Variants in COL24A1 observed in about 807,000 individuals in gnomAD.
COL24A1 encodes collagen type XXIV alpha 1 chain, also known as collagen alpha-1(XXIV) chain.
Under a neutral mutation model 253.9 loss-of-function variants are expected in COL24A1, and 224 were observed. The ratio of observed to expected loss-of-function variants is 0.88; its 90% CI spans 0.79 to 0.99. The LOEUF (loss-of-function observed/expected upper bound fraction) is 0.99, where lower values mean the gene tolerates loss of function less well. Ranked by LOEUF, COL24A1 falls within the 50% of genes least tolerant of loss-of-function variation. The pLI, the probability that COL24A1 is intolerant of heterozygous loss-of-function variation, is 0.00. For synonymous variants in COL24A1, 685 were observed against 673.7 expected, an observed-to-expected ratio of 1.02 and a Z score of -0.26; for missense variants, 2,131 against 2,068.5, an observed-to-expected ratio of 1.03 and a Z score of -0.59.
At chr1:85,808,978 G>A (rs752304569) in intron 47 of COL24A1, among the ~76,000 whole-genome samples, 1 of 152,178 alleles carries the variant, frequency 6.6e-6, no homozygotes, top group Non-Finnish European at 1.5e-5. Flanking sequence ...CTGTCCTTGT[G>A]TGCTGAGTCT....
intron 53 of COL24A1, among the ~76,000 whole-genome samples, chr1:85,768,340 G>A (rs1667585993): frequency 1.3e-5 from 2 of 152,064 alleles, no homozygotes; most frequent in Admixed American, 6.6e-5. Context: ...GTTTAAAGAG[G>A]AGAATGATAT....
At chr1:85,890,991 C>G (rs1449709554) in intron 31 of COL24A1, among the ~76,000 whole-genome samples, 1 of 151,990 alleles carries the variant, frequency 6.6e-6, no homozygotes, top group East Asian at 1.9e-4. Flanking sequence ...TTACTGTGTG[C>G]GAGGCACTGA....
At chr1:85,850,332 A>G (rs1289465699) in intron 37 of COL24A1, among the ~76,000 whole-genome samples, 1 of 152,206 alleles carries the variant, frequency 6.6e-6, no homozygotes, top group Admixed American at 6.5e-5. Flanking sequence ...TGCAAAAATG[A>G]TGTAGACAAG....
rs752358076 is a variant in COL24A1 at position 85,806,704 on chromosome 1, G to A, written c.3951+10084C>T. On this transcript the variant is annotated intron_variant, in intron 47 of 59. Coordinates refer to ENST00000370571, the MANE Select transcript of COL24A1 (RefSeq NM_152890.7). Reference sequence around the variant, plus strand: ...AAATGTGGTTTGCTAATACTGGAATGGACTGCTGATATTGACTCATGCATA... The same window carrying A: ...AAATGTGGTTTGCTAATACTGGAATAGACTGCTGATATTGACTCATGCATA... Among the ~76,000 whole-genome samples the A allele has an allele frequency of 6.8e-4, 104 of 152,318 alleles. 1 individual carries two copies. The highest frequency in any genetic ancestry group is 1.6e-3 in the Admixed American group (24 of 15,302).
At chr1:85,944,845 AGT>A (rs1356366451) in intron 24 of COL24A1, among the ~76,000 whole-genome samples, 3 of 150,704 alleles carry the variant, frequency 2.0e-5, no homozygotes, top group Admixed American at 6.6e-5. Flanking sequence ...GAGAATATGC[AGT>A]GTTTGGTTTT....
At chr1:85,923,158 A>C (rs1686735216) in intron 24 of COL24A1, among the ~76,000 whole-genome samples, 1 of 152,252 alleles carries the variant, frequency 6.6e-6, no homozygotes, top group African/African-American at 2.4e-5. Flanking sequence ...AAGAGCACCC[A>C]GATTCATAAA....
rs370153083 is a variant in COL24A1, at chr1:85,784,100, T to A, written c.4221+13A>T. ...AGATAGCTAGAAGACTAGAAGAAAGTATGTAAACATACTTTAGGGCCTGGG... is the reference window on the plus strand; with the variant it reads ...AGATAGCTAGAAGACTAGAAGAAAGAATGTAAACATACTTTAGGGCCTGGG... On this transcript the variant is annotated intron_variant, in intron 50 of 59. Transcript: ENST00000370571. 6.2e-7 allele frequency: 1 copy of A among 1,602,178 alleles called. No homozygotes were observed. Among genetic ancestry groups the A allele is most frequent in the South Asian group, 1.1e-5 (1 of 90,576 alleles).
chr1:85,733,955 T>C (rs991831864), intron 59 of COL24A1, among the ~76,000 whole-genome samples: 1 of 151,226 alleles, frequency 6.6e-6, no homozygotes, highest in African/African-American at 2.4e-5. Flanking sequence ...CAGGCTGGAA[T>C]GCAGTGGTGC....
intron 37 of COL24A1, among the ~76,000 whole-genome samples, chr1:85,852,113 C>A (rs966855812): frequency 1.2e-4 from 18 of 151,166 alleles, no homozygotes; most frequent in African/African-American, 4.4e-4. Flanking sequence ...TGTGTGTGTG[C>A]GCGCACGTGC....
intron 43 of COL24A1, among the ~76,000 whole-genome samples, chr1:85,827,945 ATTTC>A (rs1334399362): frequency 6.6e-6 from 1 of 151,638 alleles, no homozygotes; most frequent in Non-Finnish European, 1.5e-5. Context: ...GATTTTAGTT[ATTTC>A]TTGCCTTCTG....
chr1:86,105,552 A>G lies in COL24A1; in HGVS notation c.1599+7015T>C, dbSNP rs569565703. ...TCAGATCAGACCAGCCCCAGGTGAT[A>G]GGGAAGACCACCCTGCAGAGTTTAC... On this transcript the variant is annotated intron_variant, in intron 5 of 59. Transcript: ENST00000370571. Among the ~76,000 whole-genome samples, 117 of 152,280 alleles carry G rather than the reference A, an allele frequency of 7.7e-4. 1 individual carries two copies. The highest frequency in any genetic ancestry group is 2.5e-3 in the African/African-American group (105 of 41,562).
chr1:86,082,454 A>C (rs1702709272), intron 7 of COL24A1, among the ~76,000 whole-genome samples: 1 of 151,824 alleles, frequency 6.6e-6, no homozygotes, highest in Non-Finnish European at 1.5e-5. Context: ...CATCCTCAAG[A>C]ATCATCTTAG....
At position 85,935,834 on chromosome 1, in the gene COL24A1, G is replaced by T. The variant is rs746207808; in HGVS notation, c.2563-24401C>A. Among the ~76,000 whole-genome samples, 11 of 147,598 alleles carry T rather than the reference G, an allele frequency of 7.5e-5. 2 individuals carry two copies. The highest frequency in any genetic ancestry group is 7.5e-5 in the Non-Finnish European group (5 of 66,722). ...AATGAGTGAACAACTTAGAGCAGTAGTGGTGGAAACAGAGGTGAGCCACCC... is the reference window on the plus strand; with the variant it reads ...AATGAGTGAACAACTTAGAGCAGTATTGGTGGAAACAGAGGTGAGCCACCC... On this transcript the variant is annotated intron_variant, in intron 24 of 59. Coordinates refer to ENST00000370571, the MANE Select transcript of COL24A1 (RefSeq NM_152890.7).
intron 47 of COL24A1, among the ~76,000 whole-genome samples, chr1:85,792,538 AAAG>A (rs1475705496): frequency 6.7e-6 from 1 of 150,056 alleles, no homozygotes; most frequent in Admixed American, 6.7e-5. Flanking sequence ...AAAAAAAAAA[AAAG>A]AAAGGAAAAA....
chr1:86,008,487 TC>T lies in COL24A1; in HGVS notation c.2310+8663del, dbSNP rs1696179614. Among the ~76,000 whole-genome samples the T allele has an allele frequency of 2.0e-5, 3 of 152,280 alleles. No homozygotes were observed. In the South Asian group the frequency reaches 6.2e-4, roughly 32 times the overall value. On this transcript the variant is annotated intron_variant, in intron 19 of 59. Coordinates refer to ENST00000370571, the MANE Select transcript of COL24A1 (RefSeq NM_152890.7). ...GTATTGAACTCCTGGGCTCAAGCAA[TC>T]CCCGGCCTATTTCTTTAATGTAATA...
intron 19 of COL24A1, among the ~76,000 whole-genome samples, chr1:86,007,029 T>G (rs142226957): frequency 1.6e-3 from 240 of 151,098 alleles, no homozygotes; most frequent in African/African-American, 5.7e-3. Flanking sequence ...CTGGGCAACA[T>G]AGTGAGACCT....
intron 2 of COL24A1, among the ~76,000 whole-genome samples, chr1:86,132,084 G>A (rs1158188794): frequency 6.6e-6 from 1 of 152,194 alleles, no homozygotes; most frequent in Non-Finnish European, 1.5e-5. Flanking sequence ...GTGTTTCACT[G>A]TGATTTTGAT....
intron 11 of COL24A1, among the ~76,000 whole-genome samples, chr1:86,048,349 T>G (rs1015211814): frequency 2.0e-5 from 3 of 152,302 alleles, no homozygotes; most frequent in Admixed American, 2.0e-4. Flanking sequence ...ACTTAAACAT[T>G]TTATAACGTA....
Position 85,737,437 on chromosome 1 carries a change from C to T in COL24A1, c.4741G>A (p.Ala1581Thr). The T allele has an allele frequency of 1.2e-6, 2 of 1,613,044 alleles. No individual in the cohort carries two copies. The highest frequency in any genetic ancestry group is 1.7e-5 in the Admixed American group (1 of 59,974). ...DAIEVFCNFS[A>T]GGQTCLPPVS... is the part of the protein sequence containing the mutation. The stretch of plus-strand genomic sequence containing the variant: ...GGAGGTAAGCATGTCTGGCCACCAG[C>T]ACTGAAATTGCAGAAAACCTCAATG... Residue 1581 changes from alanine (A) to threonine (T), a missense_variant, in exon 58 of 60, where the codon GCT becomes ACT. By Grantham distance (58) the Ala-to-Thr change is moderately conservative. Coordinates refer to ENST00000370571, the MANE Select transcript of COL24A1 (RefSeq NM_152890.7).
Sources: allele counts gnomAD v4.1 joint callset (sites outside exome capture counted in the v4.1 genomes callset), GRCh38; gene constraint gnomAD v4.1.1; transcripts MANE v1.5; gene names NCBI Gene and HGNC (gene_info 2026-07-23, HGNC 2026-07-21).